Variants in BTBD9 observed in about 807,000 individuals in gnomAD.
The protein encoded by BTBD9 is BTB/POZ domain-containing protein 9.
In BTBD9, 49 loss-of-function variants were observed where a neutral mutation model predicts 64.3. The observed-to-expected ratio is 0.76, with a 90% CI of 0.61 to 0.97. The LOEUF is 0.97. Ranked by LOEUF, BTBD9 falls within the 50% of genes least tolerant of loss-of-function variation. The probability of loss-of-function intolerance (pLI) is 0.00; values close to 1 mark genes in which losing one functional copy is unlikely to be tolerated. For missense variants in BTBD9, 598 were observed against 762.1 expected, an observed-to-expected ratio of 0.78 and a Z score of 2.53; for synonymous variants, 260 against 274.7, an observed-to-expected ratio of 0.95 and a Z score of 0.53.
At chr6:38,393,268 C>G (rs1167713939) in intron 6 of BTBD9, among the ~76,000 whole-genome samples, 2 of 152,192 alleles carry the variant, frequency 1.3e-5, no homozygotes, top group Non-Finnish European at 2.9e-5. Flanking sequence ...TGCTTTCATT[C>G]TGGAGGTTCT....
intron 6 of BTBD9, among the ~76,000 whole-genome samples, chr6:38,358,541 A>G (rs1764821136): frequency 6.6e-6 from 1 of 152,136 alleles, no homozygotes; most frequent in Non-Finnish European, 1.5e-5. Context: ...TAAATACCTC[A>G]TAGGTATGGG....
At chr6:38,466,721 G>A (rs773375242) in intron 6 of BTBD9, among the ~76,000 whole-genome samples, 3 of 151,914 alleles carry the variant, frequency 2.0e-5, no homozygotes, top group East Asian at 3.9e-4. Context: ...GGGGTTACAC[G>A]TGCCCACCAC....
intron 9 of BTBD9, among the ~76,000 whole-genome samples, chr6:38,223,415 G>T (rs1763283764): frequency 6.6e-6 from 1 of 152,130 alleles, no homozygotes; most frequent in African/African-American, 2.4e-5. Flanking sequence ...GTTCACTGCA[G>T]CCTCAAACTC....
At chr6:38,541,750 A>T (rs1009646076) in intron 6 of BTBD9, among the ~76,000 whole-genome samples, 4 of 152,142 alleles carry the variant, frequency 2.6e-5, no homozygotes, top group Non-Finnish European at 5.9e-5. Context: ...CGACAACAAC[A>T]ACAACAAAAT....
chr6:38,493,499 A>C (rs953360168), intron 6 of BTBD9, among the ~76,000 whole-genome samples: 3 of 152,232 alleles, frequency 2.0e-5, no homozygotes, highest in Non-Finnish European at 4.4e-5. Context: ...ATCTCAGCAC[A>C]TGCTTTGTTC....
At chr6:38,558,646 T>C (rs769391278) in intron 6 of BTBD9, among the ~76,000 whole-genome samples, 19 of 152,234 alleles carry the variant, frequency 1.2e-4, no homozygotes, top group Non-Finnish European at 2.4e-4. Context: ...TCTATTAAGA[T>C]GATCGTATGT....
chr6:38,222,299 C>T (rs1477340272), intron 9 of BTBD9, among the ~76,000 whole-genome samples: 3 of 107,770 alleles, frequency 2.8e-5, no homozygotes, highest in Non-Finnish European at 5.1e-5. Context: ...CTTGCTCTGT[C>T]ACCCAGGCTG....
intron 9 of BTBD9, among the ~76,000 whole-genome samples, chr6:38,203,417 G>A (rs987333972): frequency 1.3e-5 from 2 of 151,984 alleles, no homozygotes; most frequent in Non-Finnish European, 2.9e-5. Context: ...CAAAAAAAAA[G>A]AAATCAGTAT....
chr6:38,332,154 G>T (rs1014033857), intron 7 of BTBD9, among the ~76,000 whole-genome samples: 1 of 151,958 alleles, frequency 6.6e-6, no homozygotes, highest in Non-Finnish European at 1.5e-5. Context: ...CATGTATGTT[G>T]CAATTATTTT....
chr6:38,244,568 G>A (rs1046889654), intron 9 of BTBD9, among the ~76,000 whole-genome samples: 1 of 151,976 alleles, frequency 6.6e-6, no homozygotes, highest in Non-Finnish European at 1.5e-5. Flanking sequence ...ATCAATTTCT[G>A]AACTGAAAGG....
chr6:38,628,338 T>C (rs987014880), intron 1 of BTBD9, among the ~76,000 whole-genome samples: 7 of 152,318 alleles, frequency 4.6e-5, no homozygotes, highest in Non-Finnish European at 8.8e-5. Context: ...CCTATAACTC[T>C]GAATACAGTA....
intron 2 of BTBD9, among the ~76,000 whole-genome samples, chr6:38,596,901 G>C (rs188705226): frequency 7.8e-4 from 118 of 152,230 alleles, no homozygotes; most frequent in African/African-American, 2.6e-3. Context: ...AAAGTGTGCA[G>C]AGGACAGAGG....
intron 6 of BTBD9, among the ~76,000 whole-genome samples, chr6:38,459,189 T>C (rs1240305731): frequency 6.6e-6 from 1 of 152,072 alleles, no homozygotes; most frequent in African/African-American, 2.4e-5. Flanking sequence ...TGGCTAATTT[T>C]TGTATTTTTA....
At chr6:38,598,511 GAA>G (rs982592876) in intron 1 of BTBD9, among the ~76,000 whole-genome samples, 5 of 152,140 alleles carry the variant, frequency 3.3e-5, no homozygotes, top group Admixed American at 6.5e-5. Flanking sequence ...ATACCGAATA[GAA>G]AAGTCATTCA....
At chr6:38,575,464 T>A (rs1191420423) in intron 6 of BTBD9, among the ~76,000 whole-genome samples, 1 of 152,188 alleles carries the variant, frequency 6.6e-6, no homozygotes, top group African/African-American at 2.4e-5. Context: ...TAATGCAAAC[T>A]GAACACTTAC....
chr6:38,253,114 A>AAACAACAAC (rs376665071), intron 9 of BTBD9, among the ~76,000 whole-genome samples: 32 of 151,162 alleles, frequency 2.1e-4, no homozygotes, highest in African/African-American at 3.9e-4. Context: ...ACTCTGTCTC[A>AAACAACAAC]AACAACAACA....
intron 6 of BTBD9, among the ~76,000 whole-genome samples, chr6:38,552,333 G>A (rs1413535706): frequency 6.6e-6 from 1 of 152,198 alleles, no homozygotes; most frequent in Non-Finnish European, 1.5e-5. Flanking sequence ...TGCACAAAGT[G>A]TTCTGGTTGA....
At chr6:38,224,700 T>C (rs1763330188) in intron 9 of BTBD9, among the ~76,000 whole-genome samples, 2 of 152,256 alleles carry the variant, frequency 1.3e-5, no homozygotes, top group Non-Finnish European at 2.9e-5. Flanking sequence ...AAGATCAATA[T>C]GTAGCTGGTT....
intron 7 of BTBD9, among the ~76,000 whole-genome samples, chr6:38,325,690 C>CA (rs1404712755): frequency 1.6e-4 from 25 of 151,848 alleles, no homozygotes; most frequent in African/African-American, 3.9e-4. Context: ...GTCTCAAAAA[C>CA]AAAAAAACAA....
Sources: allele counts gnomAD v4.1 joint callset (sites outside exome capture counted in the v4.1 genomes callset), GRCh38; gene constraint gnomAD v4.1.1; transcripts MANE v1.5; gene names NCBI Gene and HGNC (gene_info 2026-07-23, HGNC 2026-07-21).